Variants in RASSF4 observed in about 807,000 individuals in gnomAD.
RASSF4 encodes Ras association domain family member 4.
RASSF4 carries 38 observed loss-of-function variants against 41.1 expected under a neutral mutation model. That is an observed-to-expected ratio of 0.92 (90% CI 0.71 to 1.21). The LOEUF (loss-of-function observed/expected upper bound fraction) is 1.21. Among genes scored for constraint, RASSF4 ranks in the 50% most tolerant of loss-of-function variants. The pLI is 0.00. For synonymous variants in RASSF4, 179 were observed against 163.4 expected, an observed-to-expected ratio of 1.10 and a Z score of -0.73; for missense variants, 414 against 419.4, an observed-to-expected ratio of 0.99 and a Z score of 0.11.
intron 2 of RASSF4, chr10:44,970,942 C>T (rs1024592878): frequency 4.4e-5 from 7 of 160,408 alleles, no homozygotes; most frequent in African/African-American, 1.7e-4. Flanking sequence ...GGGGATGGCC[C>T]AAGCCACTCA....
intron 1 of RASSF4, among the ~76,000 whole-genome samples, chr10:44,960,371 T>A (rs1237002837): frequency 6.6e-6 from 1 of 152,218 alleles, no homozygotes; most frequent in Non-Finnish European, 1.5e-5. Flanking sequence ...ACTTTCGTTA[T>A]CCCCTTTTCA....
At chr10:44,992,890 G>C (rs141804892) in intron 10 of RASSF4, among the ~76,000 whole-genome samples, 1 of 152,194 alleles carries the variant, frequency 6.6e-6, no homozygotes, top group Non-Finnish European at 1.5e-5. Flanking sequence ...GGGGCAACTA[G>C]TGGGTCCACT....
In RASSF4 at chr10:44,989,131, T is replaced by C. The variant is rs532970898; in HGVS notation, c.532-143T>C. On this transcript the variant is annotated intron_variant, in intron 6 of 10. Coordinates refer to ENST00000340258, the MANE Select transcript of RASSF4 (RefSeq NM_032023.4). Reference sequence around the variant, plus strand: ...AGTGTCTCCCAGGTCTGGGAACAGCTTATGTGTGCATCAGCGTGAATGGAC... The same window carrying C: ...AGTGTCTCCCAGGTCTGGGAACAGCCTATGTGTGCATCAGCGTGAATGGAC... 1.2e-5 allele frequency: 7 copies of C among 602,956 alleles called. No homozygotes were observed. The African/African-American group carries it at 1.3e-4, about 11-fold the overall frequency. 37.4% of individuals were successfully genotyped at this position (602,956 alleles called of 1,614,324 possible).
At chr10:44,967,497 C>T (rs573192154) in intron 1 of RASSF4, among the ~76,000 whole-genome samples, 19 of 152,346 alleles carry the variant, frequency 1.2e-4, no homozygotes, top group African/African-American at 4.3e-4. Context: ...TCTTATGAAA[C>T]GCCAAAAGAG....
In RASSF4 at chr10:44,971,807, T is replaced by C. The variant is rs1366143234; in HGVS notation, c.97T>C (p.Cys33Arg). ...CTTAGGCCTGCTGAAAACCTACAAC[T>C]GCTACCATGAGGGCAAGAGCTTCCA... ...ELLGLLKTYN[C>R]YHEGKSFQLR... The change falls in exon 3 of 11, where the codon TGC (cysteine) becomes CGC (arginine). Residue 33 changes from cysteine (C) to arginine (R), a missense_variant. Coordinates refer to ENST00000340258, the MANE Select transcript of RASSF4 (RefSeq NM_032023.4). The C allele has an allele frequency of 6.2e-7, 1 of 1,613,606 alleles. No individual in the cohort carries two copies. Among genetic ancestry groups the C allele is most frequent in the Non-Finnish European group, 8.5e-7 (1 of 1,179,712 alleles).
At chr10:44,989,515 G>A (rs915651091) in intron 7 of RASSF4, 140 bp downstream of exon 7, 17 of 960,338 alleles carry the variant, frequency 1.8e-5, no homozygotes, top group Non-Finnish European at 2.5e-5. Context: ...CTGAGCTTTG[G>A]TTTCTCGGAT....
chr10:44,982,225 G>C (rs766086512), intron 3 of RASSF4: 9 of 442,826 alleles, frequency 2.0e-5, no homozygotes, highest in African/African-American at 1.9e-4. Context: ...TCTTCACCGC[G>C]GTGTGGACGT....
intron 1 of RASSF4, among the ~76,000 whole-genome samples, chr10:44,969,328 G>C (rs934314794): frequency 4.9e-4 from 74 of 152,168 alleles, no homozygotes; most frequent in Non-Finnish European, 2.4e-4. Flanking sequence ...ACCAATCAAG[G>C]CTGTGTGTGG....
Position 44,993,513 on chromosome 10 carries a change from G to C in RASSF4, c.*184G>C. On this transcript the variant is annotated 3_prime_UTR_variant, in exon 11 of 11. Transcript: ENST00000340258. ...CAGCCAGCTCTTGGCTCCAAGATGA[G>C]CACCCACAGGAAGCCGACCCAGGCC... The C allele has an allele frequency of 1.6e-5, 10 of 607,802 alleles. No homozygotes were observed. The South Asian group carries it at 1.9e-4, about 12-fold the overall frequency. 37.7% of individuals were successfully genotyped at this position (607,802 alleles called of 1,614,324 possible).
chr10:44,977,537 G>A (rs376783385), intron 3 of RASSF4: 36 of 1,613,376 alleles, frequency 2.2e-5, no homozygotes, highest in Middle Eastern at 1.6e-4. Context: ...ATCCTGCGGT[G>A]GTCTTGCCAG....
intron 9 of RASSF4, 128 bp from the exon 10 acceptor site, chr10:44,991,777 A>G: frequency 1.6e-6 from 1 of 639,892 alleles, no homozygotes; most frequent in Non-Finnish European, 2.8e-6. Flanking sequence ...GTGGGGTGGG[A>G]AAAGCGGCAG....
At chr10:44,981,678 C>T (rs1841712696) in intron 3 of RASSF4, 1 of 152,232 alleles carries the variant, frequency 6.6e-6, no homozygotes, top group East Asian at 1.9e-4. Flanking sequence ...CTTGGCCAGG[C>T]TTACACACAG....
intron 1 of RASSF4, among the ~76,000 whole-genome samples, chr10:44,968,976 C>G (rs981569599): frequency 6.6e-6 from 1 of 151,072 alleles, no homozygotes; most frequent in Non-Finnish European, 1.5e-5. Flanking sequence ...GAGTGTGTGT[C>G]TGTGAGATTG....
rs142437358 is a variant in RASSF4, at chr10:44,967,191, A to C, written c.-38-2974A>C. On this transcript the variant is annotated intron_variant, in intron 1 of 10. Coordinates refer to ENST00000340258, the MANE Select transcript of RASSF4 (RefSeq NM_032023.4). ...CTGGTCCACAGTCACTCAGGGACCC[A>C]GGCTGACCATCGAGTAGCTGCACAT... Among the ~76,000 whole-genome samples, 610 of 152,284 alleles carry C rather than the reference A, an allele frequency of 4.0e-3. 17 individuals are homozygous for C. Among genetic ancestry groups the C allele is most frequent in the Admixed American group, 0.038 (582 of 15,292 alleles).
At chr10:44,964,355 G>A (rs1840820839) in intron 1 of RASSF4, among the ~76,000 whole-genome samples, 1 of 152,256 alleles carries the variant, frequency 6.6e-6, no homozygotes, top group African/African-American at 2.4e-5. Flanking sequence ...GTGGAGGCCT[G>A]AGCTATGTCC....
intron 3 of RASSF4, chr10:44,977,356 A>G (rs1268065506): frequency 6.6e-7 from 1 of 1,524,446 alleles, no homozygotes; most frequent in Non-Finnish European, 8.8e-7. Context: ...ATGCAGACCC[A>G]GCATGCTCTC....
At chr10:44,981,375 A>T (rs908094584) in intron 3 of RASSF4, 1 of 152,256 alleles carries the variant, frequency 6.6e-6, no homozygotes, top group East Asian at 1.9e-4. Flanking sequence ...CAGCTATGCA[A>T]GATGAGTAAG....
chr10:44,984,482 CCCTT>C (rs1841842039), intron 5 of RASSF4: 1 of 488,346 alleles, frequency 2.0e-6, no homozygotes, highest in Admixed American at 3.4e-5. Context: ...CTTTTTATTC[CCCTT>C]CCTTTAGCCC....
At chr10:44,983,167 A>G (rs1841785466) in intron 4 of RASSF4, 1 of 355,516 alleles carries the variant, frequency 2.8e-6, no homozygotes, top group East Asian at 7.6e-5. Flanking sequence ...ATGCACATTT[A>G]TCTCCTCCTC....
Sources: allele counts gnomAD v4.1 joint callset (sites outside exome capture counted in the v4.1 genomes callset), GRCh38; gene constraint gnomAD v4.1.1; transcripts MANE v1.5; gene names NCBI Gene and HGNC (gene_info 2026-07-23, HGNC 2026-07-21).